Variants in ZNF365 observed in about 807,000 individuals in gnomAD.
ZNF365 encodes the protein zinc finger protein 365.
Under a neutral mutation model 35.0 loss-of-function variants are expected in ZNF365, and 22 were observed. That is an observed-to-expected ratio of 0.63 (90% confidence interval 0.45 to 0.90). ZNF365 has a LOEUF of 0.90. Ranked by LOEUF, ZNF365 falls within the 40% of genes least tolerant of loss-of-function variation. ZNF365 has a pLI of 0.00. For missense variants in ZNF365, 448 were observed against 500.3 expected (o/e 0.90, Z 1.00); for synonymous variants, 188 against 196.2 (o/e 0.96, Z 0.35).
chr10:62,479,864 T>G, intron 4 of ZNF365: 1 of 1,600,654 alleles, frequency 6.2e-7, no homozygotes, highest in Non-Finnish European at 8.6e-7. Context: ...TCCTTTTGGC[T>G]TTTATGACTA....
intron 4 of ZNF365, among the ~76,000 whole-genome samples, chr10:62,469,069 G>A (rs1018853551): frequency 2.6e-5 from 4 of 152,226 alleles, no homozygotes; most frequent in African/African-American, 7.2e-5. Context: ...CAGCAAAAGT[G>A]GACCAGTCAA....
chr10:62,424,016 G>A (rs879375976), intron 3 of ZNF365, among the ~76,000 whole-genome samples: 2 of 152,114 alleles, frequency 1.3e-5, no homozygotes, highest in Admixed American at 6.5e-5. Context: ...ATAAGGGCTC[G>A]AGGTTAGGAT....
intron 3 of ZNF365, among the ~76,000 whole-genome samples, chr10:62,423,801 A>G (rs1403709827): frequency 6.6e-6 from 1 of 152,170 alleles, no homozygotes; most frequent in Non-Finnish European, 1.5e-5. Context: ...CTTACAAATG[A>G]ATTGATTTAG....
intron 3 of ZNF365, among the ~76,000 whole-genome samples, chr10:62,436,746 T>C (rs1285573515): frequency 6.6e-6 from 1 of 152,210 alleles, no homozygotes; most frequent in East Asian, 1.9e-4. Context: ...GGACAACCAA[T>C]TGGGATCTAG....
intron 3 of ZNF365, chr10:62,459,593 A>G: frequency 1.2e-6 from 1 of 832,242 alleles, no homozygotes; most frequent in Non-Finnish European, 1.9e-6. Context: ...TAGCACATTA[A>G]TGCAATTTCT....
At chr10:62,457,533 C>A (rs187956063) in intron 3 of ZNF365, among the ~76,000 whole-genome samples, 1 of 152,306 alleles carries the variant, frequency 6.6e-6, no homozygotes, top group East Asian at 1.9e-4. Flanking sequence ...CTGCTAGCTA[C>A]ATATAGGGGA....
chr10:62,464,289 C>G (rs1295881320), intron 4 of ZNF365, among the ~76,000 whole-genome samples: 1 of 152,174 alleles, frequency 6.6e-6, no homozygotes, highest in Non-Finnish European at 1.5e-5. Flanking sequence ...CTATGATCTC[C>G]CATATATGTT....
intron 4 of ZNF365, among the ~76,000 whole-genome samples, chr10:62,467,496 A>T (rs1261443385): frequency 6.6e-6 from 1 of 152,234 alleles, no homozygotes; most frequent in Non-Finnish European, 1.5e-5. Context: ...CCCCTCAGAG[A>T]TGCAAGATTG....
At chr10:62,421,388 A>G (rs4745989) in intron 3 of ZNF365, among the ~76,000 whole-genome samples, 93,427 of 151,974 alleles carry the variant, frequency 0.61, 29,427 homozygotes, top group East Asian at 0.84. Flanking sequence ...CAATCTTTTT[A>G]GGGATTACTT....
intron 4 of ZNF365, among the ~76,000 whole-genome samples, chr10:62,477,281 C>A (rs1348585396): frequency 1.3e-5 from 2 of 152,074 alleles, no homozygotes; most frequent in Non-Finnish European, 2.9e-5. Flanking sequence ...AGACTGACAT[C>A]TTAGAGGTAT....
At chr10:62,384,150 C>T (rs1437910719) in intron 2 of ZNF365, among the ~76,000 whole-genome samples, 1 of 150,628 alleles carries the variant, frequency 6.6e-6, no homozygotes, top group East Asian at 1.9e-4. Flanking sequence ...AAGATGGGGC[C>T]GGAAGTGGCT....
rs151161484 is a variant in ZNF365, at chr10:62,434,379, C to T, written c.925-25362C>T. 7.3e-4 allele frequency among the ~76,000 whole-genome samples: 111 copies of T among 152,158 alleles called. No individual in the cohort carries two copies. In the East Asian group the frequency reaches 0.018, roughly 25 times the overall value. ...TGGTGGGGCTAATGTGCAACTTTAT[C>T]ACAATGCTTACAAACGTTTGTGGGT... On this transcript the variant is annotated intron_variant, in intron 3 of 4. Coordinates refer to the ZNF365 transcript ENST00000395255.
intron 3 of ZNF365, among the ~76,000 whole-genome samples, chr10:62,395,917 T>C (rs986837068): frequency 1.1e-4 from 17 of 152,232 alleles, no homozygotes; most frequent in Non-Finnish European, 1.9e-4. Context: ...TCTGGGACCT[T>C]GATCAAAGGC....
intron 3 of ZNF365, among the ~76,000 whole-genome samples, chr10:62,446,919 G>A (rs1049934684): frequency 6.6e-6 from 1 of 152,148 alleles, no homozygotes; most frequent in African/African-American, 2.4e-5. Flanking sequence ...AGTGGGAAAA[G>A]ACAAAAGGCT....
chr10:62,415,706 G>A (rs1840063149), intron 3 of ZNF365, among the ~76,000 whole-genome samples: 1 of 152,094 alleles, frequency 6.6e-6, no homozygotes, highest in African/African-American at 2.4e-5. Flanking sequence ...AATTGGCAGA[G>A]GTCTTGAAGG....
At chr10:62,428,644 G>A (rs905793885) in intron 3 of ZNF365, among the ~76,000 whole-genome samples, 2 of 152,108 alleles carry the variant, frequency 1.3e-5, no homozygotes, top group African/African-American at 4.8e-5. Context: ...ACTAATACAG[G>A]TCCATAGAGG....
At chr10:62,415,043 CG>C (rs1840051657) in intron 3 of ZNF365, among the ~76,000 whole-genome samples, 1 of 151,504 alleles carries the variant, frequency 6.6e-6, no homozygotes, top group Non-Finnish European at 1.5e-5. Context: ...TTAGAGATTA[CG>C]GTTCTCTGAG....
chr10:62,413,888 T>C (rs574036664), intron 3 of ZNF365, among the ~76,000 whole-genome samples: 2 of 152,138 alleles, frequency 1.3e-5, no homozygotes, highest in Non-Finnish European at 2.9e-5. Flanking sequence ...AACAGAAATA[T>C]GCCTGTAGAT....
intron 3 of ZNF365, among the ~76,000 whole-genome samples, chr10:62,459,494 G>A (rs1038141136): frequency 6.6e-6 from 1 of 152,190 alleles, no homozygotes; most frequent in Admixed American, 6.5e-5. Context: ...AATATTTAGG[G>A]AAATGAAGAG....
Sources: allele counts gnomAD v4.1 joint callset (sites outside exome capture counted in the v4.1 genomes callset), GRCh38; gene constraint gnomAD v4.1.1; transcripts MANE v1.5; gene names NCBI Gene and HGNC (gene_info 2026-07-23, HGNC 2026-07-21).